The following STARD6 variants were observed in gnomAD, a reference collection of about 807,000 sequenced individuals.
STARD6 encodes StAR related lipid transfer domain containing 6, also known as stAR-related lipid transfer protein 6.
STARD6 carries 21 observed loss-of-function variants against 22.3 expected under a neutral mutation model. The ratio of observed to expected loss-of-function variants is 0.94; its 90% CI spans 0.67 to 1.35. The LOEUF is 1.35. Among genes scored for constraint, STARD6 ranks in the 40% most tolerant of loss-of-function variants. STARD6 has a pLI of 0.00. For synonymous variants in STARD6, 80 were observed against 88.1 expected (o/e 0.91, Z 0.52); for missense variants, 269 against 266.9 (o/e 1.01, Z -0.05).
chr18:54,354,218 AT>A (rs1730968736), intron 3 of STARD6, 115 bp from the exon 4 acceptor site: 66 of 604,998 alleles, frequency 1.1e-4, no homozygotes, highest in South Asian at 3.9e-4. Context: ...AGAAAAAAAT[AT>A]ATATATATAT....
chr18:54,357,384 T>C (rs953405540), intron 1 of STARD6, among the ~76,000 whole-genome samples: 1 of 152,138 alleles, frequency 6.6e-6, no homozygotes, highest in Non-Finnish European at 1.5e-5. Flanking sequence ...AACTCGGGTC[T>C]CCAATCTCCC....
At chr18:54,345,892 T>C (rs917631356) in intron 4 of STARD6, among the ~76,000 whole-genome samples, 5 of 152,160 alleles carry the variant, frequency 3.3e-5, no homozygotes, top group African/African-American at 1.2e-4. Flanking sequence ...AAGATTGAAT[T>C]GGACTCCTGC....
chr18:54,340,517 CA>C (rs2088960303), intron 4 of STARD6, among the ~76,000 whole-genome samples: 1 of 151,950 alleles, frequency 6.6e-6, no homozygotes, highest in African/African-American at 2.4e-5. Context: ...ATGAGACATA[CA>C]GAAAACAAAA....
chr18:54,347,768 T>G (rs1295199793), intron 4 of STARD6, among the ~76,000 whole-genome samples: 1 of 152,126 alleles, frequency 6.6e-6, no homozygotes, highest in African/African-American at 2.4e-5. Context: ...AATCCTGAGC[T>G]GTTAGAACTC....
intron 4 of STARD6, among the ~76,000 whole-genome samples, chr18:54,351,815 T>A (rs1355537998): frequency 6.6e-6 from 1 of 151,998 alleles, no homozygotes; most frequent in Admixed American, 6.6e-5. Context: ...TGGTATATAT[T>A]ATCTTTTTGA....
rs2089121272 is a variant in STARD6, at chr18:54,354,046, G to A, written c.140+8C>T. 1 of 1,541,034 alleles carries A rather than the reference G, an allele frequency of 6.5e-7. No individual in the cohort carries two copies. The highest frequency in any genetic ancestry group is 1.8e-5 in the Admixed American group (1 of 54,820). On this transcript the variant is annotated splice_region_variant and intron_variant, in intron 4 of 7. Transcript: ENST00000307844. The stretch of plus-strand genomic sequence containing the variant: ...AAACAGTAATTGTAAATAGAAGATT[G>A]TACTCACAGATTTCCATGGAATTTT...
At chr18:54,352,445 G>C (rs1438841154) in intron 4 of STARD6, among the ~76,000 whole-genome samples, 3 of 152,094 alleles carry the variant, frequency 2.0e-5, no homozygotes, top group Non-Finnish European at 4.4e-5. Flanking sequence ...GAGTGAGTTT[G>C]GAGCATAGCC....
chr18:54,353,810 CTATT>C (rs1335474453), intron 4 of STARD6: 6 of 307,088 alleles, frequency 2.0e-5, no homozygotes, highest in African/African-American at 8.7e-5. Context: ...TGAAAATTTC[CTATT>C]TAGTGAATTA....
chr18:54,342,281 G>A (rs2088976125), intron 4 of STARD6, among the ~76,000 whole-genome samples: 1 of 152,172 alleles, frequency 6.6e-6, no homozygotes, highest in Admixed American at 6.5e-5. Flanking sequence ...GGCTTCACCG[G>A]TGAATCTGAC....
chr18:54,355,637 C>T (rs1246876276), intron 2 of STARD6: 2 of 152,154 alleles, frequency 1.3e-5, no homozygotes, highest in African/African-American at 4.8e-5. Flanking sequence ...TTCCAGGATC[C>T]AGAACTCTGA....
chr18:54,324,980 ATACTTAAAAATTG>A (rs2088811845), intron 7 of STARD6, 105 bp from the exon 8 acceptor site: 5 of 862,788 alleles, frequency 5.8e-6, no homozygotes, highest in Non-Finnish European at 8.0e-6. Flanking sequence ...CACCGTTGAC[ATACTTAAAAATTG>A]TACTTAAAAA....
Position 54,354,065 on chromosome 18 carries a change from G to C in STARD6, c.129C>G (p.Phe43Leu). ...ITVSSKASRK[F>L]HGNLYRVEGI... ...AAGATTGTACTCACAGATTTCCATG[G>C]AATTTTCTAGAAGCCTTACTGGAAA... The change falls in exon 4 of 8, where the codon TTC becomes TTG. Residue 43 changes from phenylalanine (F) to leucine (L), a missense_variant. Coordinates refer to ENST00000307844, the MANE Select transcript of STARD6 (RefSeq NM_139171.2). 3 of 1,564,470 alleles carry C rather than the reference G, an allele frequency of 1.9e-6. No homozygotes were observed. Among genetic ancestry groups the C allele is most frequent in the Admixed American group, 1.8e-5 (1 of 55,196 alleles).
chr18:54,343,688 C>CT (rs2089005741), intron 4 of STARD6, among the ~76,000 whole-genome samples: 1 of 35,984 alleles, frequency 2.8e-5, no homozygotes, highest in Non-Finnish European at 5.2e-5. Flanking sequence ...GTCGGCCCCC[C>CT]GCCCGGCCAG....
rs779454645 is a variant in STARD6, at chr18:54,324,670, G to A, written c.*22C>T. 1.4e-5 allele frequency: 23 copies of A among 1,607,698 alleles called. No individual in the cohort carries two copies. Among genetic ancestry groups the A allele is most frequent in the African/African-American group, 2.7e-5 (2 of 74,498 alleles). ...ACTACACATGATTTTATAGCAGAAC[G>A]GCCTCATTTCTTCTTTTGGTATCAT... On this transcript the variant is annotated 3_prime_UTR_variant, in exon 8 of 8. Coordinates refer to ENST00000307844, the MANE Select transcript of STARD6 (RefSeq NM_139171.2).
At chr18:54,326,781 T>A (rs1318387099) in intron 7 of STARD6, among the ~76,000 whole-genome samples, 1 of 151,874 alleles carries the variant, frequency 6.6e-6, no homozygotes, top group African/African-American at 2.4e-5. Context: ...AAATCAAAAA[T>A]TAATTGAATG....
intron 2 of STARD6, 112 bp from the exon 3 acceptor site, chr18:54,354,689 C>T (rs1373018746): frequency 1.8e-5 from 13 of 719,916 alleles, no homozygotes; most frequent in Admixed American, 1.4e-4. Flanking sequence ...TAGAAATGAA[C>T]ATAATTACTT....
At chr18:54,343,672 G>A (rs1282211728) in intron 4 of STARD6, among the ~76,000 whole-genome samples, 16 of 36,788 alleles carry the variant, frequency 4.3e-4, no homozygotes, top group East Asian at 8.3e-4. Flanking sequence ...GGAGGGAGGT[G>A]GGGGGGTCGG....
At chr18:54,337,090 A>G (rs1360695188) in intron 5 of STARD6, 35 bp downstream of exon 5, 4 of 1,558,444 alleles carry the variant, frequency 2.6e-6, no homozygotes, top group Non-Finnish European at 3.5e-6. Flanking sequence ...AAATATATTA[A>G]TGTTCTAGAA....
At chr18:54,354,426 T>G (rs766780740) in intron 3 of STARD6, 58 bp downstream of exon 3, 1 of 1,430,628 alleles carries the variant, frequency 7.0e-7, no homozygotes, top group Non-Finnish European at 9.8e-7. Context: ...GTCTTTACAA[T>G]GAATTGTTTC....
Sources: allele counts gnomAD v4.1 joint callset (sites outside exome capture counted in the v4.1 genomes callset), GRCh38; gene constraint gnomAD v4.1.1; transcripts MANE v1.5; gene names NCBI Gene and HGNC (gene_info 2026-07-23, HGNC 2026-07-21).